Variants in DNAJC1 observed in about 807,000 individuals in gnomAD.
DNAJC1 encodes DnaJ heat shock protein family (Hsp40) member C1, also known as dnaJ homolog subfamily C member 1.
A neutral mutation model predicts 76.6 loss-of-function variants in DNAJC1; 58 were observed. The observed-to-expected ratio is 0.76, with a 90% CI of 0.61 to 0.94. The LOEUF (loss-of-function observed/expected upper bound fraction) is 0.94, where lower values mean the gene tolerates loss of function less well. DNAJC1 is among the 40% of genes least tolerant of loss of function. DNAJC1 has a pLI of 0.00. For synonymous variants in DNAJC1, 258 were observed against 267.9 expected (o/e 0.96, Z 0.36); for missense variants, 689 against 677.3 (o/e 1.02, Z -0.19).
At position 21,868,090 on chromosome 10, in the gene DNAJC1, C is replaced by CA. The variant is rs1301372134; in HGVS notation, c.978+14191dup. ...GATTCTGTCTCCAAAAAAAAAAAAACAAAAAAAAAAACAACAACTGGAAAC... is the reference window on the plus strand; with the variant it reads ...GATTCTGTCTCCAAAAAAAAAAAAACAAAAAAAAAAAACAACAACTGGAAAC... On this transcript the variant is annotated intron_variant, in intron 8 of 11. Coordinates refer to ENST00000376980, the MANE Select transcript of DNAJC1 (RefSeq NM_022365.4). Among the ~76,000 whole-genome samples, 640 of 103,546 alleles carry CA rather than the reference C, an allele frequency of 6.2e-3. 15 individuals are homozygous for CA. Among genetic ancestry groups the CA allele is most frequent in the African/African-American group, 0.02 (558 of 28,454 alleles). 67.9% of individuals were successfully genotyped at this position (103,546 alleles called of 152,430 possible). A position where few individuals can be genotyped will look rare whatever the true frequency, so the allele number is the denominator to read the frequency against.
At chr10:21,865,698 A>C (rs1469901191) in intron 8 of DNAJC1, 1 of 152,144 alleles carries the variant, frequency 6.6e-6, no homozygotes, top group Non-Finnish European at 1.5e-5. Flanking sequence ...GTACACTTTA[A>C]ATATGTCTAG....
chr10:21,961,806 TA>T (rs1332023279), intron 1 of DNAJC1, among the ~76,000 whole-genome samples: 1 of 152,182 alleles, frequency 6.6e-6, no homozygotes, highest in Non-Finnish European at 1.5e-5. Context: ...CAAAGTCTTT[TA>T]AATGGCATCT....
chr10:21,764,966 A>G (rs754739233), intron 10 of DNAJC1, among the ~76,000 whole-genome samples: 2 of 151,942 alleles, frequency 1.3e-5, no homozygotes, highest in Non-Finnish European at 2.9e-5. Flanking sequence ...TCAACTCCAC[A>G]TTTCCTGTTT....
At chr10:21,831,725 G>A (rs1835358911) in intron 8 of DNAJC1, among the ~76,000 whole-genome samples, 2 of 148,666 alleles carry the variant, frequency 1.3e-5, no homozygotes, top group African/African-American at 2.5e-5. Flanking sequence ...AGGAGGTGGA[G>A]CTTGTAGTGA....
chr10:21,834,871 G>A (rs1478875780), intron 8 of DNAJC1, among the ~76,000 whole-genome samples: 1 of 152,234 alleles, frequency 6.6e-6, no homozygotes, highest in Non-Finnish European at 1.5e-5. Context: ...AAGGACGCCT[G>A]CCTACCTCTG....
At chr10:21,869,179 G>A (rs2131707202) in intron 8 of DNAJC1, among the ~76,000 whole-genome samples, 1 of 137,204 alleles carries the variant, frequency 7.3e-6, no homozygotes, top group Admixed American at 8.0e-5. Context: ...CCACACCACT[G>A]CACTCCAGCC....
rs1838559229 is a variant in DNAJC1, at chr10:22,003,368, G to A, written c.67C>T (p.Pro23Ser). Residue 23 changes from proline (P) to serine (S), a missense_variant, in exon 1 of 12, where the codon CCG becomes TCG. Coordinates refer to ENST00000376980, the MANE Select transcript of DNAJC1 (RefSeq NM_022365.4). Reference protein sequence around the residue: ...GRRQLGLVPFPPPPPRTPLLW... With the variant: ...GRRQLGLVPFSPPPPRTPLLW... ...AGCGGCGTCCGCGGCGGCGGCGGCG[G>A]GAACGGCACCAGCCCGAGCTGGCGG... is the stretch of plus-strand genomic sequence containing the variant. 1 of 1,408,588 alleles carries A rather than the reference G, an allele frequency of 7.1e-7. No individual in the cohort carries two copies. Among genetic ancestry groups the A allele is most frequent in the Non-Finnish European group, 9.2e-7 (1 of 1,085,306 alleles). The allele number at this position is 1,408,588 out of a possible 1,614,324, so 87.3% of individuals were successfully genotyped here.
intron 6 of DNAJC1, among the ~76,000 whole-genome samples, chr10:21,909,269 C>G (rs1836813713): frequency 6.6e-6 from 1 of 152,210 alleles, no homozygotes; most frequent in Non-Finnish European, 1.5e-5. Flanking sequence ...TAAACTATGG[C>G]TAACTTAAAT....
chr10:21,812,775 A>G (rs887873976), intron 8 of DNAJC1, among the ~76,000 whole-genome samples: 4 of 152,082 alleles, frequency 2.6e-5, no homozygotes, highest in African/African-American at 7.2e-5. Flanking sequence ...AGGTTTATAG[A>G]AAGTTTTAGA....
chr10:21,789,619 GA>G (rs910174270), intron 9 of DNAJC1, among the ~76,000 whole-genome samples: 6 of 150,868 alleles, frequency 4.0e-5, no homozygotes, highest in African/African-American at 9.7e-5. Flanking sequence ...ACAAAACTAG[GA>G]AAAAAAATCA....
At chr10:21,979,485 T>C (rs1358217432) in intron 1 of DNAJC1, among the ~76,000 whole-genome samples, 2 of 152,086 alleles carry the variant, frequency 1.3e-5, no homozygotes, top group African/African-American at 2.4e-5. Context: ...ATTATTTTCA[T>C]GAGTGCTTAT....
intron 8 of DNAJC1, among the ~76,000 whole-genome samples, chr10:21,811,536 T>C (rs1263057126): frequency 6.6e-6 from 1 of 152,206 alleles, no homozygotes; most frequent in African/African-American, 2.4e-5. Context: ...TGACTTGAAA[T>C]GGTAAAACCA....
intron 1 of DNAJC1, among the ~76,000 whole-genome samples, chr10:21,979,256 G>A (rs148298758): frequency 0.012 from 1,768 of 152,064 alleles, 17 homozygotes; most frequent in Non-Finnish European, 0.018. Context: ...ACTATGTAAA[G>A]CTATCTGATC....
chr10:21,758,104 G>A (rs1834197121), intron 11 of DNAJC1, among the ~76,000 whole-genome samples: 1 of 152,072 alleles, frequency 6.6e-6, no homozygotes, highest in Admixed American at 6.5e-5. Flanking sequence ...TTTCTCCCCA[G>A]GAACTCTCAA....
intron 7 of DNAJC1, among the ~76,000 whole-genome samples, chr10:21,898,639 A>G (rs528887597): frequency 6.8e-6 from 1 of 147,248 alleles, no homozygotes; most frequent in East Asian, 2.0e-4. Flanking sequence ...TGCAACCTCC[A>G]CCTCCTGGGT....
intron 7 of DNAJC1, among the ~76,000 whole-genome samples, chr10:21,886,691 T>C (rs1836370456): frequency 6.6e-6 from 1 of 152,172 alleles, no homozygotes; most frequent in African/African-American, 2.4e-5. Flanking sequence ...ATAAATGTGA[T>C]TCTTCACATA....
At chr10:21,975,708 T>C (rs1167539249) in intron 1 of DNAJC1, among the ~76,000 whole-genome samples, 1 of 152,230 alleles carries the variant, frequency 6.6e-6, no homozygotes, top group African/African-American at 2.4e-5. Flanking sequence ...TATAAATCAT[T>C]GTTACATGTA....
intron 7 of DNAJC1, 33 bp from the exon 8 acceptor site, chr10:21,882,472 A>T: frequency 1.5e-6 from 2 of 1,329,808 alleles, no homozygotes; most frequent in Non-Finnish European, 2.0e-6. Flanking sequence ...AATTATTGAG[A>T]TTTTTAAAGA....
chr10:21,817,115 G>A (rs1428814047), intron 8 of DNAJC1, among the ~76,000 whole-genome samples: 13 of 135,610 alleles, frequency 9.6e-5, no homozygotes, highest in East Asian at 2.2e-4. Flanking sequence ...AGCTGAGATC[G>A]CGCCACTGCA....
Sources: allele counts gnomAD v4.1 joint callset (sites outside exome capture counted in the v4.1 genomes callset), GRCh38; gene constraint gnomAD v4.1.1; transcripts MANE v1.5; gene names NCBI Gene and HGNC (gene_info 2026-07-23, HGNC 2026-07-21).